The following PARVB variants were observed in gnomAD, a reference collection of about 807,000 sequenced individuals.
PARVB encodes parvin beta, also known as beta-parvin.
PARVB carries 46 observed loss-of-function variants against 47.0 expected under a neutral mutation model. That is an observed-to-expected ratio of 0.98 (90% CI 0.77 to 1.25). The LOEUF (loss-of-function observed/expected upper bound fraction) is 1.25. PARVB is among the 50% of genes most tolerant of loss of function. PARVB has a pLI of 0.00. For missense variants in PARVB, 473 were observed against 471.6 expected, an observed-to-expected ratio of 1.00 and a Z score of -0.03; for synonymous variants, 196 against 196.3, an observed-to-expected ratio of 1.00 and a Z score of 0.01.
intron 10 of PARVB, among the ~76,000 whole-genome samples, chr22:44,157,145 C>T (rs755978546): frequency 1.1e-4 from 16 of 152,314 alleles, no homozygotes; most frequent in Non-Finnish European, 1.5e-4. Context: ...TCCAGAGGCC[C>T]CCTGGAGAAT....
chr22:44,005,524 A>C (rs1416550090), intron 2 of PARVB, among the ~76,000 whole-genome samples: 3 of 151,480 alleles, frequency 2.0e-5, no homozygotes. Context: ...TCTGTCACCT[A>C]GGCTGGAGTG....
rs1174778446 is a variant in PARVB, at chr22:44,103,240, A to G, written c.273+3117A>G. 6.6e-6 allele frequency: 1 copy of G among 152,260 alleles called. No homozygotes were observed. The highest frequency in any genetic ancestry group is 2.4e-5 in the African/African-American group (1 of 41,466). 9.4% of individuals were successfully genotyped at this position (152,260 alleles called of 1,614,324 possible). ...TAATTAGCATCCTTTGGGGCAAAGT[A>G]CAACTATGGGGCAAAATACAACTAA... On this transcript the variant is annotated intron_variant, in intron 3 of 12. Transcript: ENST00000338758. The surrounding 1 kb of genome is among the most constrained non-coding windows in gnomAD (Gnocchi z 4.6).
Position 44,172,866 on chromosome 22 carries a change from A to G in PARVB, c.*4188A>G. On this transcript the variant is annotated 3_prime_UTR_variant, in exon 13 of 13. Transcript: ENST00000338758. ...ACACCGGGCAAACACTTCTTCCGCCAGGGATGCGGTTAGGACAATGCCACG... is the reference window on the plus strand; with the variant it reads ...ACACCGGGCAAACACTTCTTCCGCCGGGGATGCGGTTAGGACAATGCCACG... The G allele has an allele frequency of 1.2e-6, 1 of 834,956 alleles. No individual in the cohort carries two copies. Among genetic ancestry groups the G allele is most frequent in the Non-Finnish European group, 1.6e-6 (1 of 609,640 alleles). The allele number at this position is 834,956 out of a possible 1,614,324, so 51.7% of individuals were successfully genotyped here. A position where few individuals can be genotyped will look rare whatever the true frequency, so the allele number is the denominator to read the frequency against.
intron 3 of PARVB, among the ~76,000 whole-genome samples, chr22:44,102,144 G>A (rs11914108): frequency 0.051 from 7,772 of 152,246 alleles, 565 homozygotes; most frequent in African/African-American, 0.15. Context: ...CCTGAGTACC[G>A]GGAACAGGGT....
rs1480494815 is a variant in PARVB at position 44,170,398 on chromosome 22, C to T, written c.*1720C>T. ...ATTACCTCCATAAAGACCCTGTCTC[C>T]AAATACCATCACATCAGAGGTGCTG... On this transcript the variant is annotated 3_prime_UTR_variant, in exon 13 of 13. Transcript: ENST00000338758. The T allele has an allele frequency of 2.6e-5, 4 of 152,120 alleles. No homozygotes were observed. The highest frequency in any genetic ancestry group is 9.7e-5 in the African/African-American group (4 of 41,420). The allele number at this position is 152,120 out of a possible 1,614,324, so 9.4% of individuals were successfully genotyped here.
intron 5 of PARVB, among the ~76,000 whole-genome samples, chr22:44,132,110 C>T (rs886509340): frequency 3.3e-5 from 5 of 152,204 alleles, no homozygotes; most frequent in African/African-American, 1.2e-4. Context: ...CGGTCCTGCC[C>T]ACTCCTTCCC....
chr22:44,001,459 C>G (rs2146840099), intron 2 of PARVB, among the ~76,000 whole-genome samples: 1 of 152,330 alleles, frequency 6.6e-6, no homozygotes, highest in African/African-American at 2.4e-5. Flanking sequence ...GCTCAGAACA[C>G]TTATATTAGC....
rs1360149294 is a variant in PARVB at position 44,147,920 on chromosome 22, A to G, written c.772A>G (p.Lys258Glu). The G allele has an allele frequency of 6.2e-7, 1 of 1,613,782 alleles. No individual in the cohort carries two copies. The highest frequency in any genetic ancestry group is 1.3e-5 in the African/African-American group (1 of 75,034). The change falls in exon 9 of 13, where the codon AAG becomes GAG. Residue 258 changes from lysine (K) to glutamate (E), a missense_variant and splice_region_variant. Physicochemically the swap from Lys to Glu is moderately conservative, Grantham distance 56 (BLOSUM62 1). Coordinates refer to ENST00000338758, the MANE Select transcript of PARVB (RefSeq NM_013327.5). ...HAPDKLSVVK[K>E]SLITFVNKHL... The stretch of plus-strand genomic sequence containing the variant: ...CCCGGATAAGCTCAGCGTGGTGAAG[A>G]AGGTGAGCTATTGGTGGGATGTTGG...
chr22:44,016,620 A>C (rs958379120), intron 2 of PARVB, among the ~76,000 whole-genome samples: 3 of 152,176 alleles, frequency 2.0e-5, no homozygotes, highest in Admixed American at 6.5e-5. Context: ...CAATATTTTA[A>C]ATAATTTTGT....
chr22:44,091,543 G>A (rs1006837025), intron 1 of PARVB, among the ~76,000 whole-genome samples: 1 of 152,068 alleles, frequency 6.6e-6, no homozygotes, highest in Admixed American at 6.6e-5. Flanking sequence ...TCGCCTACTC[G>A]AGGGACCTCC....
intron 1 of PARVB, among the ~76,000 whole-genome samples, chr22:44,075,940 T>A (rs1469553761): frequency 2.6e-5 from 4 of 152,234 alleles, no homozygotes; most frequent in Non-Finnish European, 5.9e-5. Context: ...GCCCCTGCCC[T>A]GAGGTTGGAG....
intron 1 of PARVB, among the ~76,000 whole-genome samples, chr22:44,039,672 G>A (rs5764066): frequency 0.3 from 46,357 of 152,120 alleles, 8,837 homozygotes; most frequent in African/African-American, 0.54. Context: ...TGGATACACG[G>A]ACAGCAGTAA....
intron 1 of PARVB, among the ~76,000 whole-genome samples, chr22:44,074,450 C>G (rs2051723182): frequency 6.6e-6 from 1 of 152,236 alleles, no homozygotes; most frequent in African/African-American, 2.4e-5. Context: ...TCACTGGTAT[C>G]TGGAGATCAC....
chr22:44,027,149 C>T (rs1435849681), intron 1 of PARVB, among the ~76,000 whole-genome samples: 4 of 152,026 alleles, frequency 2.6e-5, no homozygotes, highest in African/African-American at 4.8e-5. Context: ...CCGGAAACCC[C>T]CAGGGCTCCC....
chr22:44,057,649 C>T lies in PARVB; in HGVS notation c.112+33198C>T, dbSNP rs138670037. The stretch of plus-strand genomic sequence containing the variant: ...GGCCCACTTGCAGTTCACGGTTTGT[C>T]TTGCCAGATGTGCAGGGGGCCCGGT... On this transcript the variant is annotated intron_variant, in intron 1 of 12. Transcript: ENST00000338758. Among the ~76,000 whole-genome samples, 21 of 152,184 alleles carry T rather than the reference C, an allele frequency of 1.4e-4. 1 individual carries two copies. The East Asian group carries it at 3.9e-3, about 28-fold the overall frequency.
chr22:44,134,515 C>G (rs1169716123), intron 6 of PARVB, among the ~76,000 whole-genome samples: 2 of 152,184 alleles, frequency 1.3e-5, no homozygotes, highest in African/African-American at 4.8e-5. Flanking sequence ...AAGTTTGAAC[C>G]AGGCAAGCAC....
rs758000622 is a variant in PARVB at position 44,131,533 on chromosome 22, C to T, written c.423C>T (p.Ser141=). The T allele has an allele frequency of 3.3e-5, 54 of 1,613,888 alleles. No homozygotes were observed. Among genetic ancestry groups the T allele is most frequent in the South Asian group, 2.5e-4 (23 of 91,070 alleles). The change falls in exon 5 of 13, where the codon TCC becomes TCT. Residue 141 remains serine, a synonymous_variant. Transcript: ENST00000338758. The part of the protein sequence containing the change: ...CKLNVAEVTQ[S]EIGQKQKLQT... Reference sequence around the variant, plus strand: ...TGAATGTGGCTGAGGTGACACAGTCCGAAATAGGGCAGAAACAGAAGCTGC... The same window carrying T: ...TGAATGTGGCTGAGGTGACACAGTCTGAAATAGGGCAGAAACAGAAGCTGC...
At chr22:44,043,669 G>T (rs2051062318) in intron 1 of PARVB, among the ~76,000 whole-genome samples, 1 of 152,138 alleles carries the variant, frequency 6.6e-6, no homozygotes. Flanking sequence ...AAGCCACTGC[G>T]CCCAGCCGAA....
chr22:44,059,859 G>T (rs1000435748), intron 1 of PARVB, among the ~76,000 whole-genome samples: 9 of 152,186 alleles, frequency 5.9e-5, no homozygotes, highest in Admixed American at 5.2e-4. Flanking sequence ...CTTTGGCGGG[G>T]CGTGTTTGCT....
Sources: allele counts gnomAD v4.1 joint callset (sites outside exome capture counted in the v4.1 genomes callset), GRCh38; gene constraint gnomAD v4.1.1; non-coding constraint Gnocchi (gnomAD v3.1); transcripts MANE v1.5; gene names NCBI Gene and HGNC (gene_info 2026-07-23, HGNC 2026-07-21).